The following TAFA4 variants were observed in gnomAD, a reference collection of about 807,000 sequenced individuals.
The protein encoded by TAFA4 is chemokine-like protein TAFA-4.
In TAFA4, 20 loss-of-function variants were observed where a neutral mutation model predicts 21.1. The ratio of observed to expected loss-of-function variants is 0.95; its 90% confidence interval spans 0.67 to 1.38. The LOEUF is 1.38. Ranked by LOEUF, TAFA4 falls within the 40% of genes most tolerant of loss-of-function variation. The probability of loss-of-function intolerance (pLI) is 0.00; values close to 1 mark genes in which losing one functional copy is unlikely to be tolerated. For missense variants in TAFA4, 211 were observed against 180.9 expected (o/e 1.17, Z -0.95); for synonymous variants, 71 against 67.4 (o/e 1.05, Z -0.26).
intron 3 of TAFA4, among the ~76,000 whole-genome samples, chr3:68,812,452 T>A (rs1312996064): frequency 2.0e-5 from 3 of 152,046 alleles, no homozygotes; most frequent in Non-Finnish European, 4.4e-5. Context: ...GAGACACATA[T>A]AGGCTCAAAA....
chr3:68,763,201 C>G (rs1420232642), intron 3 of TAFA4, among the ~76,000 whole-genome samples: 1 of 152,110 alleles, frequency 6.6e-6, no homozygotes, highest in Non-Finnish European at 1.5e-5. Flanking sequence ...TAAAGAGAGA[C>G]CTTTAGGAAA....
chr3:68,803,603 C>G, intron 3 of TAFA4, among the ~76,000 whole-genome samples: 1 of 151,686 alleles, frequency 6.6e-6, no homozygotes, highest in South Asian at 2.1e-4. Context: ...GATTCTCGTT[C>G]TCTAACCCAG....
intron 3 of TAFA4, among the ~76,000 whole-genome samples, chr3:68,764,938 C>A (rs889359587): frequency 1.3e-5 from 2 of 152,158 alleles, no homozygotes; most frequent in African/African-American, 2.4e-5. Context: ...CTACCCTAAT[C>A]ATCCCCCTTT....
chr3:68,745,758 TAAGCCAGACTTC>T (rs1297760396), intron 4 of TAFA4, among the ~76,000 whole-genome samples: 4 of 152,360 alleles, frequency 2.6e-5, no homozygotes, highest in South Asian at 4.1e-4. Context: ...GTTACTTAGA[TAAGCCAGACTTC>T]AAATTATAAT....
chr3:68,776,729 T>C (rs777446773), intron 3 of TAFA4, among the ~76,000 whole-genome samples: 29 of 152,198 alleles, frequency 1.9e-4, no homozygotes, highest in Admixed American at 1.3e-3. Context: ...GTGTTAAGTT[T>C]ATCAGAATAG....
intron 3 of TAFA4, among the ~76,000 whole-genome samples, chr3:68,869,067 T>C (rs1453064595): frequency 6.6e-6 from 1 of 151,666 alleles, no homozygotes; most frequent in Admixed American, 6.6e-5. Context: ...AGAAATTCAA[T>C]GGATCATCAA....
intron 3 of TAFA4, among the ~76,000 whole-genome samples, chr3:68,867,887 G>GAA (rs143162685): frequency 4.0e-5 from 6 of 151,782 alleles, no homozygotes; most frequent in Admixed American, 3.9e-4. Flanking sequence ...TATTACCAGA[G>GAA]AAAAAAATCA....
At chr3:68,819,243 C>T (rs1180627776) in intron 3 of TAFA4, among the ~76,000 whole-genome samples, 1 of 147,912 alleles carries the variant, frequency 6.8e-6, no homozygotes, top group African/African-American at 2.5e-5. Flanking sequence ...GCACACCTGC[C>T]TGGGTGACAG....
intron 3 of TAFA4, among the ~76,000 whole-genome samples, chr3:68,803,849 G>A (rs1465973851): frequency 8.6e-6 from 1 of 116,014 alleles, no homozygotes; most frequent in Non-Finnish European, 1.6e-5. Context: ...CTGTCACCTA[G>A]GCTGGAGGGC....
intron 3 of TAFA4, among the ~76,000 whole-genome samples, chr3:68,802,095 T>C (rs1703591728): frequency 6.6e-6 from 1 of 152,182 alleles, no homozygotes; most frequent in South Asian, 2.1e-4. Context: ...AAATGGAGGT[T>C]ACATTAAATT....
At chr3:68,793,126 G>A (rs557511227) in intron 3 of TAFA4, among the ~76,000 whole-genome samples, 21 of 152,234 alleles carry the variant, frequency 1.4e-4, no homozygotes, top group African/African-American at 5.1e-4. Context: ...ATCACTCTCT[G>A]ATTTCAGGGA....
chr3:68,836,457 C>T, intron 3 of TAFA4, among the ~76,000 whole-genome samples: 1 of 152,178 alleles, frequency 6.6e-6, no homozygotes, highest in East Asian at 1.9e-4. Flanking sequence ...GAAAGTCTGG[C>T]TTCTAGAACT....
intron 1 of TAFA4, among the ~76,000 whole-genome samples, chr3:68,929,946 G>C (rs1237115111): frequency 2.6e-5 from 4 of 152,182 alleles, no homozygotes; most frequent in African/African-American, 4.8e-5. Context: ...GGCTGCTGAT[G>C]ATGTCATATC....
At chr3:68,904,731 C>T (rs1053315160) in intron 1 of TAFA4, among the ~76,000 whole-genome samples, 5 of 152,302 alleles carry the variant, frequency 3.3e-5, no homozygotes, top group African/African-American at 4.8e-5. Flanking sequence ...AATCATCCAC[C>T]GAAGGACAGG....
intron 3 of TAFA4, among the ~76,000 whole-genome samples, chr3:68,782,613 T>C (rs534890386): frequency 1.3e-5 from 2 of 152,066 alleles, no homozygotes; most frequent in African/African-American, 2.4e-5. Context: ...AAAAACATGA[T>C]GCTAAGTGAA....
intron 3 of TAFA4, among the ~76,000 whole-genome samples, chr3:68,842,444 C>A (rs556118958): frequency 8.5e-5 from 13 of 152,270 alleles, no homozygotes; most frequent in African/African-American, 3.1e-4. Context: ...TGGATATTAG[C>A]CCTTTGTCAG....
chr3:68,755,025 G>A (rs1323092440), intron 3 of TAFA4, among the ~76,000 whole-genome samples: 1 of 152,144 alleles, frequency 6.6e-6, no homozygotes, highest in African/African-American at 2.4e-5. Context: ...ATCTCAATGT[G>A]TAGGTTTACT....
At chr3:68,928,974 A>T (rs886762430) in intron 1 of TAFA4, among the ~76,000 whole-genome samples, 1 of 120,506 alleles carries the variant, frequency 8.3e-6, no homozygotes, top group African/African-American at 3.5e-5. Context: ...AGATTTTACA[A>T]TTAAGTTTAT....
chr3:68,842,260 C>G (rs1255010668), intron 3 of TAFA4, among the ~76,000 whole-genome samples: 1 of 152,194 alleles, frequency 6.6e-6, no homozygotes, highest in Non-Finnish European at 1.5e-5. Flanking sequence ...GAGATGGTAC[C>G]TCACTGCGGT....
Sources: gnomAD v4.1 joint callset for allele counts (sites outside exome capture counted in the v4.1 genomes callset) on GRCh38, gnomAD v4.1.1 for gene constraint, MANE v1.5 for transcripts, NCBI Gene and HGNC (gene_info 2026-07-23, HGNC 2026-07-21) for gene names.